The following COL11A2 variants were observed in gnomAD, a reference collection of about 807,000 sequenced individuals.
The protein encoded by COL11A2 is collagen type XI alpha 2 chain.
Under a neutral mutation model 273.4 loss-of-function variants are expected in COL11A2, and 116 were observed. The observed-to-expected ratio is 0.42, with a 90% CI of 0.36 to 0.49. The LOEUF is 0.49. COL11A2 is among the 20% of genes least tolerant of loss of function. The probability of loss-of-function intolerance (pLI) is 0.00; values close to 1 mark genes in which losing one functional copy is unlikely to be tolerated. For synonymous variants in COL11A2, 782 were observed against 864.2 expected (o/e 0.90, Z 1.67); for missense variants, 1,866 against 2,309.0 (o/e 0.81, Z 3.93).
Position 33,174,003 on chromosome 6 carries a change from G to A in COL11A2, c.2529+8C>T, listed in dbSNP as rs781493517. 5.0e-6 allele frequency: 8 copies of A among 1,613,836 alleles called. No homozygotes were observed. The South Asian group carries it at 7.7e-5, about 16-fold the overall frequency. ...CTTGAGCCACCTGTTTCTCTCCCCT[G>A]CACTCACCGTGGGGCCCCGTTCTCC... is the stretch of plus-strand genomic sequence containing the variant. On this transcript the variant is annotated splice_region_variant and intron_variant, in intron 33 of 65. Coordinates refer to ENST00000341947, the MANE Select transcript of COL11A2 (RefSeq NM_080680.3).
chr6:33,170,304 G>C lies in COL11A2; in HGVS notation c.3582+22C>G. 6.2e-7 allele frequency: 1 copy of C among 1,612,466 alleles called. No homozygotes were observed. The highest frequency in any genetic ancestry group is 1.1e-5 in the South Asian group (1 of 90,742). On this transcript the variant is annotated intron_variant, in intron 48 of 65. Coordinates refer to ENST00000341947, the MANE Select transcript of COL11A2 (RefSeq NM_080680.3). This position sits in a 1 kb window ranked among gnomAD's most constrained non-coding sequence, Gnocchi z 4.3. Reference sequence around the variant, plus strand: ...AAGACCAGACACATTGGTCTCAAGGGACAGGGGCTGAGATGACTCACATCA... The same window carrying C: ...AAGACCAGACACATTGGTCTCAAGGCACAGGGGCTGAGATGACTCACATCA...
intron 8 of COL11A2, among the ~76,000 whole-genome samples, chr6:33,182,495 T>G (rs535630118): frequency 6.3e-4 from 96 of 152,066 alleles, no homozygotes; most frequent in African/African-American, 2.3e-3. Flanking sequence ...GCAGCTTATT[T>G]GAGGTCAGTA....
rs1299844479 is a variant in COL11A2, at chr6:33,170,088, G to A, written c.3595C>T (p.Pro1199Ser). The change falls in exon 49 of 66, where the codon CCC (proline) becomes TCC (serine). Residue 1199 changes from proline (P) to serine (S), a missense_variant. By Grantham distance (74) the Pro-to-Ser change is moderately conservative. Transcript: ENST00000341947. The surrounding 1 kb of genome is among the most constrained non-coding windows in gnomAD (Gnocchi z 4.3). ...GPNGADGPQG[P>S]PGGVGNLGPP... ...CCCAGGTTCCCAACACCTCCTGGGGGACCTTGTGGGCCCTGGAAGAGGAAC... is the reference window on the plus strand; with the variant it reads ...CCCAGGTTCCCAACACCTCCTGGGGAACCTTGTGGGCCCTGGAAGAGGAAC... The A allele has an allele frequency of 1.2e-5, 19 of 1,613,060 alleles. No homozygotes were observed. Among genetic ancestry groups the A allele is most frequent in the Non-Finnish European group, 1.6e-5 (19 of 1,180,028 alleles).
chr6:33,169,050 A>G lies in COL11A2; in HGVS notation c.3799-42T>C. 1 of 1,575,376 alleles carries G rather than the reference A, an allele frequency of 6.3e-7. No individual in the cohort carries two copies. The highest frequency in any genetic ancestry group is 8.6e-7 in the Non-Finnish European group (1 of 1,158,986). On this transcript the variant is annotated intron_variant, in intron 51 of 65. Transcript: ENST00000341947. The surrounding 1 kb of genome is among the most constrained non-coding windows in gnomAD (Gnocchi z 5.5). ...ATAAGAGTCAGGGTCACAGCTCCCTAAGCCCACCCAGCACAGACGCCCACA... is the reference window on the plus strand; with the variant it reads ...ATAAGAGTCAGGGTCACAGCTCCCTGAGCCCACCCAGCACAGACGCCCACA...
rs754313250 is a variant in COL11A2, at chr6:33,166,602, C to T, written c.4339-36G>A. The T allele has an allele frequency of 2.5e-6, 4 of 1,613,156 alleles. No individual in the cohort carries two copies. Among genetic ancestry groups the T allele is most frequent in the Admixed American group, 1.7e-5 (1 of 59,900 alleles). ...TAGTGGCTGGTTCAACTGGGTCCTC[C>T]TCCCACACCCTCCTGAGCACCTGCT... On this transcript the variant is annotated intron_variant, in intron 59 of 65. Transcript: ENST00000341947. This position sits in a 1 kb window ranked among gnomAD's most constrained non-coding sequence, Gnocchi z 4.8.
chr6:33,180,283 G>T lies in COL11A2; in HGVS notation c.1334C>A (p.Pro445His). ...TGGGAGCATGAGAGATGTGCCAGGA[G>T]GACCAGGAGCCCCATCTGATCCAGG... ...GLPGSDGAPG[P>H]PGTSLMLPFR... Residue 445 changes from proline to histidine, a missense_variant, in exon 12 of 66, where the codon CCT becomes CAT. Physicochemically the swap from Pro to His is moderately conservative, Grantham distance 77. Transcript: ENST00000341947. The T allele has an allele frequency of 6.2e-7, 1 of 1,613,036 alleles. No individual in the cohort carries two copies. Among genetic ancestry groups the T allele is most frequent in the Non-Finnish European group, 8.5e-7 (1 of 1,180,046 alleles).
rs768238230 is a variant in COL11A2, at chr6:33,166,229, G to C, written c.4393-23C>G. The stretch of plus-strand genomic sequence containing the variant: ...TCCCTGTGAAATGAGGAACAAGAAA[G>C]AGACGGTCACTGCAGGGGAAGGACA... On this transcript the variant is annotated intron_variant, in intron 60 of 65. Transcript: ENST00000341947. The surrounding 1 kb of genome is among the most constrained non-coding windows in gnomAD (Gnocchi z 4.8). The C allele has an allele frequency of 2.6e-5, 41 of 1,591,792 alleles. No homozygotes were observed. Among genetic ancestry groups the C allele is most frequent in the Non-Finnish European group, 1.3e-5 (15 of 1,170,104 alleles).
Position 33,174,570 on chromosome 6 carries a change from C to T in COL11A2, c.2387G>A (p.Gly796Asp). ...PGLMGEKGKLGVPGLPGYPGR... is the reference protein window; with the variant it reads ...PGLMGEKGKLDVPGLPGYPGR... ...AGGATAGCCAGGCAGACCAGGAACA[C>T]CCAGCTTGCCCTGTGGAGGGACAGG... The change falls in exon 31 of 66, where the codon GGT (glycine) becomes GAT (aspartate). Residue 796 changes from glycine (G) to aspartate (D), a missense_variant. Transcript: ENST00000341947. 6.2e-7 allele frequency: 1 copy of T among 1,612,418 alleles called. No individual in the cohort carries two copies. Among genetic ancestry groups the T allele is most frequent in the Non-Finnish European group, 8.5e-7 (1 of 1,179,930 alleles).
chr6:33,177,966 G>A lies in COL11A2; in HGVS notation c.1872+166C>T, dbSNP rs112987775. On this transcript the variant is annotated intron_variant, in intron 21 of 65. Transcript: ENST00000341947. This position sits in a 1 kb window ranked among gnomAD's most constrained non-coding sequence, Gnocchi z 5.9. ...ACGCCACATGGCCCTCCCTGTGCAC[G>A]GGGAGCGAATGCTGAGGCAGGGCAG... 1.4e-4 allele frequency: 114 copies of A among 822,664 alleles called. No individual in the cohort carries two copies. The highest frequency in any genetic ancestry group is 2.4e-4 in the African/African-American group (14 of 58,816). 51.0% of individuals were successfully genotyped at this position (822,664 alleles called of 1,614,324 possible).
At position 33,178,276 on chromosome 6, in the gene COL11A2, C is replaced by G. The variant is rs2855422; in HGVS notation, c.1818+32G>C. ...TCCCCCTCCTGGCTTCCCCAGAGCCCCCTCCCCCAGCACCAGCCCTTGGAC... is the reference window on the plus strand; with the variant it reads ...TCCCCCTCCTGGCTTCCCCAGAGCCGCCTCCCCCAGCACCAGCCCTTGGAC... On this transcript the variant is annotated intron_variant, in intron 20 of 65. Coordinates refer to ENST00000341947, the MANE Select transcript of COL11A2 (RefSeq NM_080680.3). The surrounding 1 kb of genome is among the most constrained non-coding windows in gnomAD (Gnocchi z 4.6). 0.13 allele frequency: 210,133 copies of G among 1,612,728 alleles called. 14,870 individuals carry two copies. Among genetic ancestry groups the G allele is most frequent in the South Asian group, 0.18 (16,681 of 91,072 alleles).
Position 33,169,988 on chromosome 6 carries a change from G to A in COL11A2, c.3636+59C>T. 3 of 1,612,840 alleles carry A rather than the reference G, an allele frequency of 1.9e-6. No homozygotes were observed. Among genetic ancestry groups the A allele is most frequent in the Non-Finnish European group, 1.7e-6 (2 of 1,179,196 alleles). On this transcript the variant is annotated intron_variant, in intron 49 of 65. Transcript: ENST00000341947. The surrounding 1 kb of genome is among the most constrained non-coding windows in gnomAD (Gnocchi z 5.5). ...TTTGTCTCCCCACCCAAAATTGGCA[G>A]AAATCCAACTCCCATCCCCCACTTC...
upstream of COL11A2, chr6:33,192,648 G>T (rs9277935): frequency 0.23 from 68,569 of 298,010 alleles, 9,485 homozygotes; most frequent in East Asian, 0.61. Context: ...AGGTCTCAAC[G>T]GCCTGTACCC....
chr6:33,180,592 TGG>T lies in COL11A2; in HGVS notation c.1284+74_1284+75del, dbSNP rs1562365446. The T allele has an allele frequency of 5.9e-5, 80 of 1,367,348 alleles. 2 individuals are homozygous for T. In the South Asian group the frequency reaches 9.7e-4, roughly 17 times the overall value. The allele number at this position is 1,367,348 out of a possible 1,614,324, so 84.7% of individuals were successfully genotyped here. A position where few individuals can be genotyped will look rare whatever the true frequency, so the allele number is the denominator to read the frequency against. On this transcript the variant is annotated intron_variant, in intron 11 of 65. Coordinates refer to ENST00000341947, the MANE Select transcript of COL11A2 (RefSeq NM_080680.3). Reference sequence around the variant, plus strand: ...AACAAGCCACCTAACAGGAAATTACTGGGCATGGTAGCCCCCCGCTTGGATAC... The same window carrying T: ...AACAAGCCACCTAACAGGAAATTACTGCATGGTAGCCCCCCGCTTGGATAC...
chr6:33,180,867 T>C (rs1042335470), intron 10 of COL11A2, 97 bp downstream of exon 10: 1 of 1,569,502 alleles, frequency 6.4e-7, no homozygotes, highest in East Asian at 2.2e-5. Flanking sequence ...TCCCGAGTTC[T>C]GAGGAGGAGG....
At chr6:33,183,074 A>G (rs190455970) in intron 8 of COL11A2, among the ~76,000 whole-genome samples, 2 of 152,174 alleles carry the variant, frequency 1.3e-5, no homozygotes, top group African/African-American at 2.4e-5. Flanking sequence ...ATGCGGCAGC[A>G]GGGTAGAGGA....
rs763646031 is a variant in COL11A2, at chr6:33,173,904, G to T, written c.2552C>A (p.Pro851His). ...TCCAGACTTCCCAGTGGCACCTCGGGGTCCCCGCTGACCCCGTGGACCCTA... is the reference window on the plus strand; with the variant it reads ...TCCAGACTTCCCAGTGGCACCTCGGTGTCCCCGCTGACCCCGTGGACCCTA... Reference protein sequence around the residue: ...GPTGPRGQRGPRGATGKSGAK... With the variant: ...GPTGPRGQRGHRGATGKSGAK... The change falls in exon 34 of 66, where the codon CCC becomes CAC. Residue 851 changes from proline to histidine, a missense_variant. Physicochemically the swap from Pro to His is moderately conservative, Grantham distance 77. Coordinates refer to ENST00000341947, the MANE Select transcript of COL11A2 (RefSeq NM_080680.3). The surrounding 1 kb of genome is among the most constrained non-coding windows in gnomAD (Gnocchi z 6.3). The T allele has an allele frequency of 6.2e-7, 1 of 1,613,994 alleles. No individual in the cohort carries two copies. Among genetic ancestry groups the T allele is most frequent in the Non-Finnish European group, 8.5e-7 (1 of 1,179,944 alleles).
rs746183374 is a variant in COL11A2 at position 33,176,799 on chromosome 6, C to A, written c.2071-34G>T. On this transcript the variant is annotated intron_variant, in intron 25 of 65. Coordinates refer to ENST00000341947, the MANE Select transcript of COL11A2 (RefSeq NM_080680.3). The surrounding 1 kb of genome is among the most constrained non-coding windows in gnomAD (Gnocchi z 4.9). ...AAGGGATAGAAAATGTGACCAGTGG[C>A]CCCTGTCACCCTCTCTGCACCCCTC... is the stretch of plus-strand genomic sequence containing the variant. The A allele has an allele frequency of 1.2e-6, 2 of 1,606,618 alleles. No homozygotes were observed. Among genetic ancestry groups the A allele is most frequent in the Non-Finnish European group, 1.7e-6 (2 of 1,176,252 alleles).
intron 8 of COL11A2, 89 bp from the exon 9 acceptor site, chr6:33,181,259 T>C: frequency 7.3e-7 from 1 of 1,372,914 alleles, no homozygotes; most frequent in East Asian, 2.3e-5. Flanking sequence ...ACCTTGATTC[T>C]TAGATCCTCT....
At position 33,183,868 on chromosome 6, in the gene COL11A2, T is replaced by A. The variant is rs140427859; in HGVS notation, c.1119+277A>T. The stretch of plus-strand genomic sequence containing the variant: ...CCAGCTTCAGTTAGACAGGAAGTGA[T>A]CAAGAAAGACAGGAAGTGGCTACAT... On this transcript the variant is annotated intron_variant, in intron 8 of 65. Coordinates refer to ENST00000341947, the MANE Select transcript of COL11A2 (RefSeq NM_080680.3). Among the ~76,000 whole-genome samples, 190 of 150,630 alleles carry A rather than the reference T, an allele frequency of 1.3e-3. 2 individuals carry two copies. Among genetic ancestry groups the A allele is most frequent in the African/African-American group, 4.3e-3 (179 of 41,178 alleles).
Sources: allele counts gnomAD v4.1 joint callset (sites outside exome capture counted in the v4.1 genomes callset), GRCh38; gene constraint gnomAD v4.1.1; non-coding constraint Gnocchi (gnomAD v3.1); transcripts MANE v1.5; gene names NCBI Gene and HGNC (gene_info 2026-07-23, HGNC 2026-07-21).